Variants in AKR1B1 observed in about 807,000 individuals in gnomAD.
AKR1B1 encodes the protein aldo-keto reductase family 1 member B1.
Under a neutral mutation model 40.4 loss-of-function variants are expected in AKR1B1, and 22 were observed. The ratio of observed to expected loss-of-function variants is 0.54; its 90% CI spans 0.39 to 0.78. AKR1B1 has a LOEUF of 0.78. Among genes scored for constraint, AKR1B1 ranks in the 30% least tolerant of loss-of-function variants. AKR1B1 has a pLI of 0.00. For synonymous variants in AKR1B1, 157 were observed against 149.9 expected, an observed-to-expected ratio of 1.05 and a Z score of -0.35; for missense variants, 357 against 396.7, an observed-to-expected ratio of 0.90 and a Z score of 0.85.
intron 8 of AKR1B1, among the ~76,000 whole-genome samples, chr7:134,445,692 A>G (rs1248069485): frequency 6.6e-6 from 1 of 152,254 alleles, no homozygotes; most frequent in Non-Finnish European, 1.5e-5. Context: ...CAACTGTAAT[A>G]CAAATAACTA....
chr7:134,446,191 T>G (rs1310403386), intron 8 of AKR1B1, among the ~76,000 whole-genome samples: 1 of 152,274 alleles, frequency 6.6e-6, no homozygotes, highest in Non-Finnish European at 1.5e-5. Context: ...AAACAAACGA[T>G]GCATCTCTGG....
At chr7:134,449,369 G>A (rs1479131343) in intron 4 of AKR1B1, 51 of 571,648 alleles carry the variant, frequency 8.9e-5, no homozygotes, top group Middle Eastern at 4.8e-4. Context: ...GGCGGATCAC[G>A]AGGTCAGGAG....
intron 4 of AKR1B1, 189 bp downstream of exon 4, chr7:134,449,531 G>C (rs1254642957): frequency 1.6e-6 from 1 of 623,550 alleles, no homozygotes; most frequent in Non-Finnish European, 2.8e-6. Flanking sequence ...AGCTTGCAGT[G>C]AGCCGAGATT....
chr7:134,456,522 A>T (rs79181221), intron 1 of AKR1B1, among the ~76,000 whole-genome samples: 1 of 143,888 alleles, frequency 6.9e-6, no homozygotes, highest in Non-Finnish European at 1.5e-5. Context: ...TTAAGTCATT[A>T]AAAAAAAAAA....
chr7:134,456,968 C>T (rs888490666), intron 1 of AKR1B1, among the ~76,000 whole-genome samples: 3 of 152,054 alleles, frequency 2.0e-5, no homozygotes, highest in Non-Finnish European at 4.4e-5. Context: ...AAACCTGTCT[C>T]TACAAAAAAT....
chr7:134,456,195 GT>G (rs902171010), intron 1 of AKR1B1, among the ~76,000 whole-genome samples: 1 of 151,960 alleles, frequency 6.6e-6, no homozygotes, highest in Non-Finnish European at 1.5e-5. Flanking sequence ...CAAGGGAAAG[GT>G]TTTTTTGTTT....
intron 4 of AKR1B1, chr7:134,449,337 A>G: frequency 1.6e-6 from 1 of 631,704 alleles, no homozygotes; most frequent in East Asian, 2.9e-5. Flanking sequence ...CTGTAATCCC[A>G]GCACTTTGGG....
chr7:134,449,674 G>A (rs747869525), intron 4 of AKR1B1, 46 bp downstream of exon 4: 1 of 1,427,440 alleles, frequency 7.0e-7, no homozygotes, highest in Non-Finnish European at 9.9e-7. Flanking sequence ...CTAAGAAGAA[G>A]AGGGAACCAG....
At chr7:134,454,499 C>A (rs919288920) in intron 1 of AKR1B1, among the ~76,000 whole-genome samples, 2 of 152,182 alleles carry the variant, frequency 1.3e-5, no homozygotes, top group Non-Finnish European at 2.9e-5. Flanking sequence ...CTTCAAGATA[C>A]CCCTCCCTCT....
chr7:134,449,183 G>A (rs541305306), intron 4 of AKR1B1, 64 bp from the exon 5 acceptor site: 94 of 1,604,752 alleles, frequency 5.9e-5, no homozygotes, highest in East Asian at 3.6e-4. Context: ...CAGAAGTGTC[G>A]TTTGCACCAG....
Position 134,451,007 on chromosome 7 carries a change from T to G in AKR1B1, c.235-105A>C, listed in dbSNP as rs777489657. The G allele has an allele frequency of 3.4e-6, 3 of 882,734 alleles. No individual in the cohort carries two copies. The Admixed American group carries it at 5.7e-5, about 17-fold the overall frequency. 54.7% of individuals were successfully genotyped at this position (882,734 alleles called of 1,614,324 possible). On this transcript the variant is annotated intron_variant, in intron 2 of 9. Coordinates refer to ENST00000285930, the MANE Select transcript of AKR1B1 (RefSeq NM_001628.4). ...TCCCCAAAACCCATTTGCTTTACCA[T>G]GATGCTGTGAATGGTTGTGAGGGCA... is the stretch of plus-strand genomic sequence containing the variant.
At chr7:134,447,107 A>G (rs1806121319) in intron 8 of AKR1B1, among the ~76,000 whole-genome samples, 191 bp downstream of exon 8, 1 of 152,192 alleles carries the variant, frequency 6.6e-6, no homozygotes. Context: ...CTGGAGGCCC[A>G]AGGCCTGCCC....
rs2229542 is a variant in AKR1B1, at chr7:134,450,869, T to C, written c.268A>G (p.Lys90Glu). 0.013 allele frequency: 20,838 copies of C among 1,614,082 alleles called. 208 individuals are homozygous for C. Among genetic ancestry groups the C allele is most frequent in the Middle Eastern group, 0.016 (97 of 6,060 alleles). The stretch of plus-strand genomic sequence containing the variant: ...CTGAGTGTCTTCTGGCAGGCTCCTT[T>C]CACCAGGCCCTTCTCATGGTACGTG... ...WCTYHEKGLV[K>E]GACQKTLSDL... The change falls in exon 3 of 10, where the codon AAA (lysine) becomes GAA (glutamate). Residue 90 changes from lysine to glutamate, a missense_variant. Lys to Glu is a moderately conservative substitution (Grantham distance 56). Coordinates refer to ENST00000285930, the MANE Select transcript of AKR1B1 (RefSeq NM_001628.4).
Position 134,453,747 on chromosome 7 carries a change from T to C in AKR1B1, c.67-1994A>G, listed in dbSNP as rs753869524. On this transcript the variant is annotated intron_variant, in intron 1 of 9. Coordinates refer to ENST00000285930, the MANE Select transcript of AKR1B1 (RefSeq NM_001628.4). The stretch of plus-strand genomic sequence containing the variant: ...ATGTGCCATTCGCTGGAGACATGTG[T>C]GCTGGGAGGCTGATCAAAGGTGCTG... 2.0e-5 allele frequency among the ~76,000 whole-genome samples: 3 copies of C among 152,306 alleles called. No homozygotes were observed. The South Asian group carries it at 6.2e-4, about 32-fold the overall frequency.
At chr7:134,452,959 G>A (rs1248929334) in intron 1 of AKR1B1, among the ~76,000 whole-genome samples, 1 of 152,146 alleles carries the variant, frequency 6.6e-6, no homozygotes, top group African/African-American at 2.4e-5. Context: ...AGGACCTGGC[G>A]ACCTCTTATT....
intron 1 of AKR1B1, among the ~76,000 whole-genome samples, chr7:134,457,779 C>G (rs1806516452): frequency 6.6e-6 from 1 of 152,076 alleles, no homozygotes; most frequent in Non-Finnish European, 1.5e-5. Flanking sequence ...GTGGGAGGAG[C>G]GCTTTGAGCC....
intron 1 of AKR1B1, among the ~76,000 whole-genome samples, chr7:134,454,092 G>A (rs1421237644): frequency 6.6e-6 from 1 of 152,196 alleles, no homozygotes; most frequent in Non-Finnish European, 1.5e-5. Context: ...GAGAGCTGTA[G>A]AAATGCAGTA....
At chr7:134,449,282 T>A in intron 4 of AKR1B1, 163 bp from the exon 5 acceptor site, 1 of 1,035,454 alleles carries the variant, frequency 9.7e-7, no homozygotes, top group Non-Finnish European at 1.5e-6. Context: ...AGGCTGGCTT[T>A]AATGAGATAA....
chr7:134,457,556 T>A (rs1806508441), intron 1 of AKR1B1, among the ~76,000 whole-genome samples: 1 of 152,196 alleles, frequency 6.6e-6, no homozygotes, highest in Non-Finnish European at 1.5e-5. Context: ...TTTCTTACCT[T>A]ATATTTACTA....
Sources: gnomAD v4.1 joint callset for allele counts (sites outside exome capture counted in the v4.1 genomes callset) on GRCh38, gnomAD v4.1.1 for gene constraint, MANE v1.5 for transcripts, NCBI Gene and HGNC (gene_info 2026-07-23, HGNC 2026-07-21) for gene names.